Variants in DMRT1 observed in about 807,000 individuals in gnomAD.
DMRT1 encodes doublesex- and mab-3-related transcription factor 1.
DMRT1 carries 7 observed loss-of-function variants against 32.3 expected under a neutral mutation model. The observed-to-expected ratio is 0.22, with a 90% CI of 0.12 to 0.41. DMRT1 has a LOEUF of 0.41. Among genes scored for constraint, DMRT1 ranks in the 10% least tolerant of loss-of-function variants. The pLI is 1.00. For missense variants in DMRT1, 625 were observed against 500.5 expected, an observed-to-expected ratio of 1.25 and a Z score of -2.37; for synonymous variants, 278 against 206.1, an observed-to-expected ratio of 1.35 and a Z score of -2.99.
intron 4 of DMRT1, among the ~76,000 whole-genome samples, chr9:924,910 A>G (rs10759047): frequency 0.69 from 105,329 of 151,944 alleles, 37,358 homozygotes; most frequent in South Asian, 0.86. Context: ...TTCTCTTTCT[A>G]CATACAAAGA....
chr9:965,838 G>A lies in DMRT1; in HGVS notation c.968-2147G>A, dbSNP rs551309620. On this transcript the variant is annotated intron_variant, in intron 4 of 4. Transcript: ENST00000382276. This position sits in a 1 kb window ranked among gnomAD's most constrained non-coding sequence, Gnocchi z 4.5. ...CCAGAGTCAGCCTAATCAGTACAGT[G>A]CTGCCCTTGACAGCTTGCACAGGAT... Among the ~76,000 whole-genome samples the A allele has an allele frequency of 1.3e-5, 2 of 152,334 alleles. No individual in the cohort carries two copies. Among genetic ancestry groups the A allele is most frequent in the East Asian group, 3.9e-4 (2 of 5,190 alleles).
chr9:891,989 C>T (rs143897132), intron 2 of DMRT1, among the ~76,000 whole-genome samples: 260 of 152,298 alleles, frequency 1.7e-3, no homozygotes, highest in African/African-American at 5.8e-3. Context: ...CTGGATCTCA[C>T]GTCCTGGTAG....
At chr9:933,644 T>A (rs1294485670) in intron 4 of DMRT1, among the ~76,000 whole-genome samples, 1 of 152,178 alleles carries the variant, frequency 6.6e-6, no homozygotes, top group South Asian at 2.1e-4. Flanking sequence ...TACCAGCACA[T>A]AGGGTTATTT....
chr9:898,027 A>G (rs1366030365), intron 3 of DMRT1, among the ~76,000 whole-genome samples: 1 of 152,032 alleles, frequency 6.6e-6, no homozygotes, highest in South Asian at 2.1e-4. Flanking sequence ...AATAGTAAAA[A>G]TCTACAAATA....
At chr9:867,292 C>T (rs1028010648) in intron 2 of DMRT1, among the ~76,000 whole-genome samples, 5 of 151,854 alleles carry the variant, frequency 3.3e-5, no homozygotes, top group Admixed American at 6.6e-5. Flanking sequence ...GAAGAAGTGA[C>T]GTTTGTCAAA....
At chr9:956,174 C>G (rs147788616) in intron 4 of DMRT1, among the ~76,000 whole-genome samples, 2 of 152,108 alleles carry the variant, frequency 1.3e-5, no homozygotes, top group Admixed American at 1.3e-4. Flanking sequence ...CAGACACAAA[C>G]GGACAAATAC....
In DMRT1 at chr9:968,250, T is replaced by C. The variant is rs1820001173; in HGVS notation, c.*111T>C. On this transcript the variant is annotated 3_prime_UTR_variant, in exon 5 of 5. Transcript: ENST00000382276. ...CATACTATCTTAACTGTTGAGAACG[T>C]ATTTGGTTTATATTCCTTAGAGTTT... The C allele has an allele frequency of 1.5e-6, 2 of 1,349,316 alleles. No individual in the cohort carries two copies. Among genetic ancestry groups the C allele is most frequent in the East Asian group, 2.5e-5 (1 of 40,308 alleles). The allele number at this position is 1,349,316 out of a possible 1,614,324, so 83.6% of individuals were successfully genotyped here. A position where few individuals can be genotyped will look rare whatever the true frequency, so the allele number is the denominator to read the frequency against.
intron 2 of DMRT1, among the ~76,000 whole-genome samples, chr9:859,409 A>G (rs10815893): frequency 0.3 from 45,430 of 151,684 alleles, 7,251 homozygotes; most frequent in African/African-American, 0.43. Context: ...CCGTGAAGCA[A>G]AGGAAGTGGA....
chr9:902,527 C>T (rs1277672749), intron 3 of DMRT1, among the ~76,000 whole-genome samples: 3 of 150,962 alleles, frequency 2.0e-5, no homozygotes, highest in Non-Finnish European at 4.4e-5. Flanking sequence ...TGCTGTCTTG[C>T]CCAGGCTGGA....
chr9:875,181 T>C (rs937356050), intron 2 of DMRT1, among the ~76,000 whole-genome samples: 3 of 152,144 alleles, frequency 2.0e-5, no homozygotes, highest in Admixed American at 6.5e-5. Flanking sequence ...CCTTCCCTCA[T>C]TGTAAATTTT....
chr9:919,702 T>C (rs978722709), intron 4 of DMRT1, among the ~76,000 whole-genome samples: 7 of 152,186 alleles, frequency 4.6e-5, no homozygotes, highest in African/African-American at 1.7e-4. Flanking sequence ...ATGACTGTTT[T>C]CTTATAGACT....
intron 3 of DMRT1, among the ~76,000 whole-genome samples, chr9:906,690 T>A (rs1159972636): frequency 6.6e-6 from 1 of 152,172 alleles, no homozygotes; most frequent in African/African-American, 2.4e-5. Flanking sequence ...CATTTCTCAT[T>A]TTCAGACAAT....
In DMRT1 at chr9:842,031, G is replaced by C; in HGVS notation, c.193G>C (p.Ala65Pro). 6.5e-7 allele frequency: 1 copy of C among 1,547,874 alleles called. No homozygotes were observed. The highest frequency in any genetic ancestry group is 8.7e-7 in the Non-Finnish European group (1 of 1,149,294). ...CGGCTCCGGGGCGTCGGACCTGGGT[G>C]CCGGGAGCAAGAAGTCCCCGCGGCT... The part of the protein sequence containing the change: ...GSGSGASDLG[A>P]GSKKSPRLPK... The change falls in exon 1 of 5, where the codon GCC becomes CCC. Residue 65 changes from alanine (A) to proline (P), a missense_variant. Physicochemically the swap from Ala to Pro is conservative, Grantham distance 27. Around this residue, in one of 3 missense-constraint regions of DMRT1, gnomAD observed 201 missense variants for 152.0 expected, o/e 1.32. Coordinates refer to ENST00000382276, the MANE Select transcript of DMRT1 (RefSeq NM_021951.3).
intron 2 of DMRT1, among the ~76,000 whole-genome samples, chr9:862,107 G>GGTGGCC (rs1815732751): frequency 7.5e-6 from 1 of 133,526 alleles, no homozygotes; most frequent in Admixed American, 7.4e-5. Flanking sequence ...GGTGGCGGCT[G>GGTGGCC]GGCAGAGGCT....
At chr9:935,214 A>G (rs1023919255) in intron 4 of DMRT1, among the ~76,000 whole-genome samples, 1 of 152,192 alleles carries the variant, frequency 6.6e-6, no homozygotes, top group Non-Finnish European at 1.5e-5. Flanking sequence ...TATGTAAGAG[A>G]TGGTAAGTTC....
chr9:949,495 A>G (rs1363198680), intron 4 of DMRT1, among the ~76,000 whole-genome samples: 1 of 152,220 alleles, frequency 6.6e-6, no homozygotes, highest in African/African-American at 2.4e-5. Context: ...TGACACGATC[A>G]CCACAATCTG....
intron 3 of DMRT1, among the ~76,000 whole-genome samples, chr9:902,263 G>C (rs1364781139): frequency 6.7e-6 from 1 of 148,528 alleles, no homozygotes; most frequent in Non-Finnish European, 1.5e-5. Flanking sequence ...GATGTTTTTT[G>C]TTAATGCTCT....
intron 4 of DMRT1, among the ~76,000 whole-genome samples, chr9:922,701 T>C (rs1372245789): frequency 6.6e-6 from 1 of 152,224 alleles, no homozygotes; most frequent in African/African-American, 2.4e-5. Flanking sequence ...TTTCTTTTGG[T>C]TCCGTCTCAG....
chr9:919,461 G>A (rs565560106), intron 4 of DMRT1, among the ~76,000 whole-genome samples: 18 of 152,108 alleles, frequency 1.2e-4, no homozygotes, highest in Non-Finnish European at 1.8e-4. Flanking sequence ...TCCTTTTGTC[G>A]TGTTACTGCT....
Sources: gnomAD v4.1 joint callset for allele counts (sites outside exome capture counted in the v4.1 genomes callset) on GRCh38, gnomAD v4.1.1 for gene constraint, gnomAD v4.1.1 regional missense constraint, Gnocchi (gnomAD v3.1) non-coding constraint, MANE v1.5 for transcripts, NCBI Gene and HGNC (gene_info 2026-07-23, HGNC 2026-07-21) for gene names.